MCTP1: variants seen among roughly 807,000 people sequenced by gnomAD.
MCTP1 encodes multiple C2 and transmembrane domain-containing protein 1.
In MCTP1, 69 loss-of-function variants were observed where a neutral mutation model predicts 120.6. The observed-to-expected ratio is 0.57, with a 90% confidence interval of 0.47 to 0.70. The LOEUF is 0.70. Among genes scored for constraint, MCTP1 ranks in the 30% least tolerant of loss-of-function variants. MCTP1 has a pLI of 0.00. For missense variants in MCTP1, 1,203 were observed against 1,248.8 expected, an observed-to-expected ratio of 0.96 and a Z score of 0.55; for synonymous variants, 529 against 493.1, an observed-to-expected ratio of 1.07 and a Z score of -0.96.
intron 19 of MCTP1, among the ~76,000 whole-genome samples, chr5:94,740,276 C>CA (rs1379251634): frequency 6.6e-6 from 1 of 152,188 alleles, no homozygotes; most frequent in African/African-American, 2.4e-5. Flanking sequence ...TACATGCCTT[C>CA]AGTTATCTTT....
intron 1 of MCTP1, among the ~76,000 whole-genome samples, chr5:95,114,640 A>G (rs921864156): frequency 6.6e-5 from 10 of 152,230 alleles, no homozygotes; most frequent in African/African-American, 2.4e-4. Flanking sequence ...GCTCAGCCAC[A>G]GTACAATAGA....
At chr5:95,154,876 G>T (rs773751544) in intron 1 of MCTP1, among the ~76,000 whole-genome samples, 5 of 151,846 alleles carry the variant, frequency 3.3e-5, no homozygotes, top group South Asian at 2.1e-4. Context: ...ATTTATTAAG[G>T]TTAGCCTTGA....
At chr5:95,147,905 T>C (rs1760546127) in intron 1 of MCTP1, among the ~76,000 whole-genome samples, 1 of 152,236 alleles carries the variant, frequency 6.6e-6, no homozygotes, top group Non-Finnish European at 1.5e-5. Context: ...TGGTAACAAC[T>C]TCCCATAGTG....
intron 1 of MCTP1, chr5:95,068,780 CT>C: frequency 7.9e-7 from 1 of 1,273,380 alleles, no homozygotes; most frequent in Non-Finnish European, 1.0e-6. Flanking sequence ...CACTTTGAAA[CT>C]TACGTTTACT....
At chr5:95,121,074 C>T (rs995968005) in intron 1 of MCTP1, among the ~76,000 whole-genome samples, 1 of 151,984 alleles carries the variant, frequency 6.6e-6, no homozygotes, top group South Asian at 2.1e-4. Context: ...GTCAGGAGAT[C>T]GAGACCATCC....
chr5:95,234,938 C>G (rs183168075), intron 1 of MCTP1, among the ~76,000 whole-genome samples: 1 of 152,228 alleles, frequency 6.6e-6, no homozygotes, highest in East Asian at 1.9e-4. Context: ...TCTACACAAA[C>G]TCTTCCAAAA....
intron 18 of MCTP1, among the ~76,000 whole-genome samples, chr5:94,790,147 G>T (rs1207328686): frequency 1.3e-5 from 2 of 152,168 alleles, no homozygotes; most frequent in African/African-American, 4.8e-5. Context: ...CATGAGCCAC[G>T]ATAGCCACTT....
At chr5:94,710,049 G>T (rs1756274331) in intron 21 of MCTP1, 1 of 152,128 alleles carries the variant, frequency 6.6e-6, no homozygotes, top group African/African-American at 2.4e-5. Context: ...TGTGTAAGCA[G>T]GTGAGGGGTA....
intron 19 of MCTP1, among the ~76,000 whole-genome samples, chr5:94,775,001 A>G (rs1280512994): frequency 6.6e-6 from 1 of 152,200 alleles, no homozygotes; most frequent in Non-Finnish European, 1.5e-5. Context: ...TATTATATAC[A>G]TGTTTTAGGG....
chr5:95,270,075 T>C (rs1759241380), intron 1 of MCTP1, among the ~76,000 whole-genome samples: 1 of 152,168 alleles, frequency 6.6e-6, no homozygotes, highest in Admixed American at 6.5e-5. Flanking sequence ...ATAACATATG[T>C]CTAATAATAA....
chr5:95,192,213 T>C (rs1749900840), intron 1 of MCTP1, among the ~76,000 whole-genome samples: 1 of 152,022 alleles, frequency 6.6e-6, no homozygotes, highest in African/African-American at 2.4e-5. Context: ...GACATGTTTT[T>C]GAGTAAGTTT....
intron 1 of MCTP1, among the ~76,000 whole-genome samples, chr5:95,184,215 C>T (rs1335556956): frequency 1.3e-5 from 2 of 151,932 alleles, no homozygotes; most frequent in African/African-American, 2.4e-5. Flanking sequence ...TCTACTGACC[C>T]AAAGGTATAG....
At chr5:95,149,822 T>C (rs1045839406) in intron 1 of MCTP1, among the ~76,000 whole-genome samples, 17 of 150,388 alleles carry the variant, frequency 1.1e-4, no homozygotes, top group South Asian at 2.1e-4. Flanking sequence ...AGGAACCTCA[T>C]AGGGTTTCTC....
chr5:94,899,349 G>C (rs1804900640), intron 10 of MCTP1, among the ~76,000 whole-genome samples: 1 of 152,150 alleles, frequency 6.6e-6, no homozygotes, highest in South Asian at 2.1e-4. Context: ...CCTCCCCAAA[G>C]GGCTGCTCTT....
At chr5:94,763,040 T>C (rs1432950308) in intron 19 of MCTP1, among the ~76,000 whole-genome samples, 1 of 152,194 alleles carries the variant, frequency 6.6e-6, no homozygotes, top group Non-Finnish European at 1.5e-5. Flanking sequence ...TCAACATAAA[T>C]TTTTTCAATA....
At chr5:94,710,647 G>A in intron 21 of MCTP1, 171 bp downstream of exon 21, 1 of 526,676 alleles carries the variant, frequency 1.9e-6, no homozygotes, top group South Asian at 2.9e-5. Flanking sequence ...TTTTGCAGGT[G>A]GACCTAAATC....
At chr5:94,860,016 T>C (rs1795454763) in intron 17 of MCTP1, among the ~76,000 whole-genome samples, 1 of 151,712 alleles carries the variant, frequency 6.6e-6, no homozygotes, top group African/African-American at 2.4e-5. Flanking sequence ...TTAAGATTAT[T>C]TATATATAGC....
chr5:94,777,921 A>AGTGTGTGTGTGTGT (rs1460355421), intron 19 of MCTP1, among the ~76,000 whole-genome samples: 20 of 82,332 alleles, frequency 2.4e-4, no homozygotes, highest in African/African-American at 1.1e-3. Context: ...GAAGGGAGAA[A>AGTGTGTGTGTGTGT]GTGTGCGTGT....
At chr5:95,104,566 G>A (rs998351682) in intron 1 of MCTP1, among the ~76,000 whole-genome samples, 1 of 152,288 alleles carries the variant, frequency 6.6e-6, no homozygotes, top group South Asian at 2.1e-4. Flanking sequence ...GACGATAGAT[G>A]GTGGCACATA....
Sources: allele counts gnomAD v4.1 joint callset (sites outside exome capture counted in the v4.1 genomes callset), GRCh38; gene constraint gnomAD v4.1.1; transcripts MANE v1.5; gene names NCBI Gene and HGNC (gene_info 2026-07-23, HGNC 2026-07-21).